Variants in ATP2B2 observed in about 807,000 individuals in gnomAD.
The protein encoded by ATP2B2 is plasma membrane calcium-transporting ATPase 2.
A neutral mutation model predicts 120.0 loss-of-function variants in ATP2B2; 15 were observed. The ratio of observed to expected loss-of-function variants is 0.12; its 90% CI spans 0.08 to 0.19. The LOEUF is 0.19. Ranked by LOEUF, ATP2B2 falls within the 10% of genes least tolerant of loss-of-function variation. The probability of loss-of-function intolerance (pLI) is 1.00; values close to 1 mark genes in which losing one functional copy is unlikely to be tolerated. For missense variants in ATP2B2, 1,045 were observed against 1,719.8 expected (o/e 0.61, Z 6.94); for synonymous variants, 694 against 700.3 (o/e 0.99, Z 0.14).
intron 2 of ATP2B2, among the ~76,000 whole-genome samples, chr3:10,547,808 G>C (rs1351991803): frequency 2.0e-5 from 3 of 152,220 alleles, no homozygotes; most frequent in Admixed American, 2.0e-4. Flanking sequence ...TTATGCCAAA[G>C]TGGAAGGGAA....
chr3:10,434,252 G>A (rs1248799166), intron 2 of ATP2B2, among the ~76,000 whole-genome samples: 1 of 152,218 alleles, frequency 6.6e-6, no homozygotes, highest in Non-Finnish European at 1.5e-5. Flanking sequence ...AGCAGACGGG[G>A]GAAAGATCTG....
At chr3:10,639,013 TC>T (rs1462060937) in intron 1 of ATP2B2, among the ~76,000 whole-genome samples, 1 of 152,228 alleles carries the variant, frequency 6.6e-6, no homozygotes, top group Non-Finnish European at 1.5e-5. Context: ...GTTGGAGATT[TC>T]AATACTTCTC....
intron 2 of ATP2B2, among the ~76,000 whole-genome samples, chr3:10,611,712 A>T (rs2069244183): frequency 6.6e-6 from 1 of 152,094 alleles, no homozygotes; most frequent in Non-Finnish European, 1.5e-5. Context: ...TCCTCGCCCT[A>T]CCGAACTTTG....
chr3:10,364,689 C>A (rs3846112), intron 12 of ATP2B2, among the ~76,000 whole-genome samples: 1 of 151,550 alleles, frequency 6.6e-6, no homozygotes, highest in East Asian at 1.9e-4. Context: ...CCAGCCTGGG[C>A]GTCAGAGCAA....
At chr3:10,453,053 G>A (rs2064120678) in intron 1 of ATP2B2, among the ~76,000 whole-genome samples, 1 of 152,194 alleles carries the variant, frequency 6.6e-6, no homozygotes, top group Admixed American at 6.5e-5. Flanking sequence ...CACATGATAA[G>A]CATTTATTGA....
chr3:10,458,789 C>T (rs1278206427), intron 1 of ATP2B2, among the ~76,000 whole-genome samples: 2 of 152,238 alleles, frequency 1.3e-5, no homozygotes, highest in Non-Finnish European at 2.9e-5. Context: ...CTCAGAGAGG[C>T]CACAATCGCC....
Position 10,694,847 on chromosome 3 carries a change from C to A in ATP2B2, c.-460+13068G>T, listed in dbSNP as rs532157771. ...GGATGTCTGCCTGCCCCCTTCCCCCCTCCCTCTCTGCTGACAGCCCTAGAG... is the reference window on the plus strand; with the variant it reads ...GGATGTCTGCCTGCCCCCTTCCCCCATCCCTCTCTGCTGACAGCCCTAGAG... On this transcript the variant is annotated intron_variant, in intron 1 of 21. Coordinates refer to the ATP2B2 transcript ENST00000646379. Among the ~76,000 whole-genome samples the A allele has an allele frequency of 8.1e-4, 124 of 152,248 alleles. 1 individual carries two copies. Among genetic ancestry groups the A allele is most frequent in the Non-Finnish European group, 1.2e-3 (82 of 68,028 alleles).
intron 1 of ATP2B2, among the ~76,000 whole-genome samples, chr3:10,681,916 GC>G (rs1409270392): frequency 6.6e-6 from 1 of 152,156 alleles, no homozygotes. Context: ...TGATGTTCAG[GC>G]ACACAGTAGA....
At chr3:10,405,447 G>A (rs989821651) in intron 3 of ATP2B2, among the ~76,000 whole-genome samples, 2 of 151,968 alleles carry the variant, frequency 1.3e-5, no homozygotes, top group African/African-American at 2.4e-5. Flanking sequence ...AGTGCAGATC[G>A]CTGGGGTAGG....
chr3:10,523,315 G>C (rs1251258065), intron 3 of ATP2B2, among the ~76,000 whole-genome samples: 1 of 152,162 alleles, frequency 6.6e-6, no homozygotes, highest in Non-Finnish European at 1.5e-5. Context: ...CAAGTTCAGA[G>C]TATGACAAGC....
intron 8 of ATP2B2, among the ~76,000 whole-genome samples, chr3:10,382,325 T>C (rs751819383): frequency 7.4e-5 from 11 of 148,574 alleles, no homozygotes; most frequent in Non-Finnish European, 5.9e-5. Context: ...CATGAAGCAC[T>C]GTACCCAGCC....
chr3:10,368,687 C>T (rs2061138673), intron 12 of ATP2B2, among the ~76,000 whole-genome samples: 1 of 151,504 alleles, frequency 6.6e-6, no homozygotes, highest in African/African-American at 2.4e-5. Flanking sequence ...CACCTAACCG[C>T]CATCCATCTG....
intron 8 of ATP2B2, among the ~76,000 whole-genome samples, chr3:10,382,686 C>T (rs1219266225): frequency 6.6e-6 from 1 of 151,918 alleles, no homozygotes. Context: ...GTGATTATAA[C>T]CATGATTACA....
At chr3:10,669,944 T>C (rs1051495144) in intron 1 of ATP2B2, among the ~76,000 whole-genome samples, 2 of 152,124 alleles carry the variant, frequency 1.3e-5, no homozygotes, top group Non-Finnish European at 2.9e-5. Flanking sequence ...GGGCTGGCCA[T>C]AGAGAAAATG....
chr3:10,565,658 T>C (rs2067994513), intron 2 of ATP2B2, among the ~76,000 whole-genome samples: 1 of 152,208 alleles, frequency 6.6e-6, no homozygotes, highest in Admixed American at 6.5e-5. Context: ...CATTCATAGT[T>C]GGTCTTCAAT....
chr3:10,614,561 G>A (rs192022789), intron 2 of ATP2B2, among the ~76,000 whole-genome samples: 89 of 152,280 alleles, frequency 5.8e-4, no homozygotes, highest in African/African-American at 2.1e-3. Flanking sequence ...ACATTGAATT[G>A]CAGTCTCGTG....
At chr3:10,612,100 C>T (rs1236729556) in intron 2 of ATP2B2, among the ~76,000 whole-genome samples, 1 of 152,202 alleles carries the variant, frequency 6.6e-6, no homozygotes, top group Non-Finnish European at 1.5e-5. Flanking sequence ...CCTACAACTC[C>T]TGGCTCAGCA....
chr3:10,667,493 G>A (rs1041102054), intron 1 of ATP2B2, among the ~76,000 whole-genome samples: 3 of 152,218 alleles, frequency 2.0e-5, no homozygotes, highest in South Asian at 2.1e-4. Context: ...TCCCGCACTC[G>A]GCGTGTCAGC....
intron 11 of ATP2B2, among the ~76,000 whole-genome samples, chr3:10,374,350 C>A (rs1038178658): frequency 6.6e-6 from 1 of 152,118 alleles, no homozygotes; most frequent in Non-Finnish European, 1.5e-5. Flanking sequence ...AACAGGAAGA[C>A]GATAAGGGCC....
Sources: allele counts gnomAD v4.1 joint callset (sites outside exome capture counted in the v4.1 genomes callset), GRCh38; gene constraint gnomAD v4.1.1; transcripts MANE v1.5; gene names NCBI Gene and HGNC (gene_info 2026-07-23, HGNC 2026-07-21).